CDH18: variants seen among roughly 807,000 people sequenced by gnomAD.
CDH18 encodes cadherin-18.
In CDH18, 31 loss-of-function variants were observed where a neutral mutation model predicts 67.9. The ratio of observed to expected loss-of-function variants is 0.46; its 90% CI spans 0.34 to 0.62. The LOEUF is 0.62. Ranked by LOEUF, CDH18 falls within the 20% of genes least tolerant of loss-of-function variation. CDH18 has a pLI of 0.01. For missense variants in CDH18, 890 were observed against 975.5 expected (o/e 0.91, Z 1.17); for synonymous variants, 362 against 347.2 (o/e 1.04, Z -0.48).
At chr5:19,975,062 GGTTCC>G (rs1268477962) in intron 2 of CDH18, among the ~76,000 whole-genome samples, 1 of 152,166 alleles carries the variant, frequency 6.6e-6, no homozygotes, top group Non-Finnish European at 1.5e-5. Context: ...TACATGTTGA[GGTTCC>G]AGAGAAAACT....
At chr5:19,881,239 C>T (rs1030637338) in intron 2 of CDH18, among the ~76,000 whole-genome samples, 1 of 152,162 alleles carries the variant, frequency 6.6e-6, no homozygotes, top group Middle Eastern at 3.4e-3. Context: ...ATAGTGGGTC[C>T]AAAACTTATG....
At chr5:19,494,663 T>G (rs2126694012) in intron 11 of CDH18, among the ~76,000 whole-genome samples, 1 of 152,332 alleles carries the variant, frequency 6.6e-6, no homozygotes, top group African/African-American at 2.4e-5. Flanking sequence ...TTGAACTAAC[T>G]TGACCCCTGC....
intron 3 of CDH18, among the ~76,000 whole-genome samples, chr5:19,754,819 G>C (rs1343654279): frequency 6.6e-6 from 1 of 152,058 alleles, no homozygotes; most frequent in Non-Finnish European, 1.5e-5. Context: ...CACTCTCTCA[G>C]ACCACAGTGG....
chr5:20,489,235 T>G (rs1753427204), intron 1 of CDH18, among the ~76,000 whole-genome samples: 1 of 151,930 alleles, frequency 6.6e-6, no homozygotes, highest in Non-Finnish European at 1.5e-5. Flanking sequence ...ATCTCTCCAC[T>G]CCCCTCTCAC....
intron 5 of CDH18, among the ~76,000 whole-genome samples, chr5:19,647,190 G>T (rs1406204330): frequency 6.6e-6 from 1 of 151,818 alleles, no homozygotes; most frequent in East Asian, 1.9e-4. Context: ...GCAAAATTTT[G>T]GATCCCTTCT....
chr5:19,582,268 A>C (rs983863764), intron 7 of CDH18, among the ~76,000 whole-genome samples: 1 of 152,022 alleles, frequency 6.6e-6, no homozygotes, highest in African/African-American at 2.4e-5. Flanking sequence ...TACCCAATAC[A>C]TACACAAACT....
chr5:20,330,307 C>T (rs947014904), intron 1 of CDH18, among the ~76,000 whole-genome samples: 7 of 152,042 alleles, frequency 4.6e-5, no homozygotes, highest in African/African-American at 1.7e-4. Context: ...CTATTTGATA[C>T]AGTAGGTAGC....
intron 5 of CDH18, among the ~76,000 whole-genome samples, chr5:19,713,973 T>C (rs1296486658): frequency 6.6e-6 from 1 of 152,132 alleles, no homozygotes; most frequent in African/African-American, 2.4e-5. Flanking sequence ...AGGTGATTCA[T>C]ATGTCTGCAA....
rs4002268 is a variant in CDH18 at position 19,604,530 on chromosome 5, AACACACACACACACAC to A, written c.811+7888_811+7903del. Among the ~76,000 whole-genome samples, 127 of 145,194 alleles carry A rather than the reference AACACACACACACACAC, an allele frequency of 8.7e-4. 1 individual carries two copies. The highest frequency in any genetic ancestry group is 2.0e-3 in the Admixed American group (29 of 14,438). On this transcript the variant is annotated intron_variant, in intron 6 of 12. Coordinates refer to ENST00000382275, the MANE Select transcript of CDH18 (RefSeq NM_004934.5). ...GCTGAGAATGCTAATTTCAAATTAAAACACACACACACACACACACACACACACACACACACACACA... is the reference window on the plus strand; with the variant it reads ...GCTGAGAATGCTAATTTCAAATTAAAACACACACACACACACACACACACA...
At chr5:20,122,557 T>C (rs1451210826) in intron 2 of CDH18, among the ~76,000 whole-genome samples, 8 of 152,050 alleles carry the variant, frequency 5.3e-5, no homozygotes, top group Non-Finnish European at 1.0e-4. Context: ...TTGACGTGAC[T>C]GATTAATATT....
chr5:19,626,749 A>C (rs925982680), intron 5 of CDH18, among the ~76,000 whole-genome samples: 2 of 152,128 alleles, frequency 1.3e-5, no homozygotes, highest in Admixed American at 6.6e-5. Context: ...ATAGCAGATT[A>C]GTTGTTGTTA....
chr5:20,278,786 T>C (rs1359900265), intron 1 of CDH18, among the ~76,000 whole-genome samples: 2 of 152,156 alleles, frequency 1.3e-5, no homozygotes, highest in Non-Finnish European at 2.9e-5. Context: ...GACAGTCTGA[T>C]TGCTTATGCA....
chr5:20,168,092 G>A (rs1736434851), intron 2 of CDH18, among the ~76,000 whole-genome samples: 1 of 152,090 alleles, frequency 6.6e-6, no homozygotes, highest in South Asian at 2.1e-4. Flanking sequence ...TATTTTTTGT[G>A]TTCCTTTGAC....
chr5:20,329,639 G>A (rs1738966019), intron 1 of CDH18, among the ~76,000 whole-genome samples: 1 of 151,704 alleles, frequency 6.6e-6, no homozygotes, highest in Non-Finnish European at 1.5e-5. Context: ...ACGTGGTGGT[G>A]GGCATCTGTA....
intron 2 of CDH18, among the ~76,000 whole-genome samples, chr5:19,960,619 A>G (rs1339987104): frequency 1.5e-5 from 2 of 135,024 alleles, no homozygotes; most frequent in Non-Finnish European, 3.0e-5. Flanking sequence ...ACGTGTATAT[A>G]TATACACGTG....
chr5:20,041,631 G>A (rs564055054), intron 2 of CDH18, among the ~76,000 whole-genome samples: 1 of 152,198 alleles, frequency 6.6e-6, no homozygotes, highest in Admixed American at 6.5e-5. Flanking sequence ...TGACAGTGAT[G>A]GCTAGGTATT....
At chr5:19,649,490 A>AT (rs945942300) in intron 5 of CDH18, among the ~76,000 whole-genome samples, 6 of 152,018 alleles carry the variant, frequency 3.9e-5, no homozygotes, top group African/African-American at 1.2e-4. Context: ...ATATGTAAAT[A>AT]TTTCCTGTTC....
At chr5:20,225,627 T>TG (rs1184188200) in intron 2 of CDH18, among the ~76,000 whole-genome samples, 1 of 152,018 alleles carries the variant, frequency 6.6e-6, no homozygotes, top group Non-Finnish European at 1.5e-5. Flanking sequence ...TGAAGAAACT[T>TG]GGAGTTGGCT....
chr5:20,136,421 T>C (rs556528283), intron 2 of CDH18, among the ~76,000 whole-genome samples: 1 of 152,332 alleles, frequency 6.6e-6, no homozygotes, highest in South Asian at 2.1e-4. Flanking sequence ...CCTTGCTTAT[T>C]TTTGTTTCGC....
Sources: allele counts gnomAD v4.1 joint callset (sites outside exome capture counted in the v4.1 genomes callset), GRCh38; gene constraint gnomAD v4.1.1; transcripts MANE v1.5; gene names NCBI Gene and HGNC (gene_info 2026-07-23, HGNC 2026-07-21).